The following CATSPERG variants were observed in gnomAD, a reference collection of about 807,000 sequenced individuals.
CATSPERG encodes the protein catsper channel auxiliary subunit gamma.
A neutral mutation model predicts 145.0 loss-of-function variants in CATSPERG; 115 were observed. The ratio of observed to expected loss-of-function variants is 0.79; its 90% CI spans 0.68 to 0.93. The LOEUF (loss-of-function observed/expected upper bound fraction) is 0.93, where lower values mean the gene tolerates loss of function less well. Ranked by LOEUF, CATSPERG falls within the 40% of genes least tolerant of loss-of-function variation. The probability of loss-of-function intolerance (pLI) is 0.00; values close to 1 mark genes in which losing one functional copy is unlikely to be tolerated. For missense variants in CATSPERG, 1,296 were observed against 1,490.1 expected, an observed-to-expected ratio of 0.87 and a Z score of 2.14; for synonymous variants, 588 against 589.0, an observed-to-expected ratio of 1.00 and a Z score of 0.02.
In CATSPERG at chr19:38,364,956, T is replaced by G. The variant is rs776569835; in HGVS notation, c.2541T>G (p.Thr847=). 6.2e-7 allele frequency: 1 copy of G among 1,613,820 alleles called. No individual in the cohort carries two copies. The highest frequency in any genetic ancestry group is 2.2e-5 in the East Asian group (1 of 44,894). ...TTAGTGGACATCACCTTATGGAGACTTCCATGACGGTCAATGTGAGGTCCA... is the reference window on the plus strand; with the variant it reads ...TTAGTGGACATCACCTTATGGAGACGTCCATGACGGTCAATGTGAGGTCCA... ...QGISGHHLME[T]SMTVNVVGSS... Residue 847 remains threonine (T), a synonymous_variant, in exon 21 of 29, where the codon ACT becomes ACG. Coordinates refer to ENST00000409235, the MANE Select transcript of CATSPERG (RefSeq NM_021185.5).
At chr19:38,344,476 G>A (rs1284785187) in intron 6 of CATSPERG, 108 bp downstream of exon 6, 2 of 913,926 alleles carry the variant, frequency 2.2e-6, no homozygotes, top group Non-Finnish European at 3.5e-6. Context: ...CCAACTTCAT[G>A]CCAGGCCCCA....
At chr19:38,354,402 C>G (rs1185991560) in intron 8 of CATSPERG, among the ~76,000 whole-genome samples, 5 of 152,204 alleles carry the variant, frequency 3.3e-5, no homozygotes, top group Non-Finnish European at 5.9e-5. Context: ...AAAAGAGCAT[C>G]TTGTTGCGGA....
intron 16 of CATSPERG, 50 bp from the exon 17 acceptor site, chr19:38,361,598 T>G: frequency 1.4e-6 from 2 of 1,470,930 alleles, no homozygotes; most frequent in Non-Finnish European, 1.9e-6. Context: ...AAGCTTCCAG[T>G]GCGCGGGGTG....
intron 3 of CATSPERG, among the ~76,000 whole-genome samples, chr19:38,339,534 G>A (rs75564688): frequency 4.2e-4 from 64 of 152,146 alleles, no homozygotes; most frequent in East Asian, 3.7e-3. Context: ...GCGCAATCTC[G>A]GCACACTGCA....
chr19:38,358,593 C>T (rs1022451712), intron 13 of CATSPERG, 32 bp downstream of exon 13: 3 of 1,613,392 alleles, frequency 1.9e-6, no homozygotes, highest in Non-Finnish European at 2.5e-6. Context: ...GTGGGCCAGG[C>T]ATACTCTGTC....
intron 26 of CATSPERG, among the ~76,000 whole-genome samples, chr19:38,368,837 A>T (rs959473959): frequency 2.5e-4 from 38 of 151,978 alleles, no homozygotes; most frequent in African/African-American, 8.9e-4. Flanking sequence ...TAATTTTTGT[A>T]TTTTTAGTAG....
intron 8 of CATSPERG, among the ~76,000 whole-genome samples, chr19:38,354,303 C>T (rs551039637): frequency 2.3e-4 from 35 of 152,220 alleles, no homozygotes; most frequent in African/African-American, 8.4e-4. Flanking sequence ...GTCACTGTCA[C>T]GGTTAGACAG....
At chr19:38,360,145 CAA>C (rs1314831958) in intron 14 of CATSPERG, 1 of 985,144 alleles carries the variant, frequency 1.0e-6, no homozygotes, top group African/African-American at 1.7e-5. Context: ...CTGGAAGCTG[CAA>C]AGAGTGAGAA....
intron 3 of CATSPERG, among the ~76,000 whole-genome samples, chr19:38,341,730 C>G (rs2145063639): frequency 6.6e-6 from 1 of 152,106 alleles, no homozygotes; most frequent in Non-Finnish European, 1.5e-5. Context: ...GGTGAAACCC[C>G]ATCTCTACTA....
chr19:38,352,497 T>G, intron 8 of CATSPERG, 65 bp downstream of exon 8: 1 of 1,454,496 alleles, frequency 6.9e-7, no homozygotes, highest in Non-Finnish European at 9.3e-7. Flanking sequence ...CCACTGAAGG[T>G]GGCTGGGGGC....
chr19:38,344,136 C>G lies in CATSPERG; in HGVS notation c.596+17C>G, dbSNP rs1458453593. On this transcript the variant is annotated intron_variant, in intron 5 of 28. Transcript: ENST00000409235. ...AGATAAAAGGTACCCTTTCCCAAGACGGGGGCTGGGGTGGACTCCGGGGGA... is the reference window on the plus strand; with the variant it reads ...AGATAAAAGGTACCCTTTCCCAAGAGGGGGGCTGGGGTGGACTCCGGGGGA... The G allele has an allele frequency of 1.3e-6, 2 of 1,551,334 alleles. No homozygotes were observed. The highest frequency in any genetic ancestry group is 2.7e-5 in the African/African-American group (2 of 72,996).
intron 3 of CATSPERG, among the ~76,000 whole-genome samples, chr19:38,342,077 TA>T (rs36074744): frequency 0.96 from 120,311 of 125,048 alleles, 57,892 homozygotes; most frequent in African/African-American, 0.98. Flanking sequence ...GACCTTATCT[TA>T]AAAAAAAAAA....
In CATSPERG at chr19:38,367,592, G is replaced by A; in HGVS notation, c.2834+20G>A. The A allele has an allele frequency of 1.2e-6, 2 of 1,613,768 alleles. No individual in the cohort carries two copies. Among genetic ancestry groups the A allele is most frequent in the Non-Finnish European group, 1.7e-6 (2 of 1,179,654 alleles). On this transcript the variant is annotated intron_variant, in intron 24 of 28. Coordinates refer to ENST00000409235, the MANE Select transcript of CATSPERG (RefSeq NM_021185.5). ...GGGCAGGTAAAGGCGTGGCCAGCTT[G>A]CAGCTAGGGCAGGTGGAGGGAGTGG... is the stretch of plus-strand genomic sequence containing the variant.
chr19:38,338,187 C>T (rs1969876304), intron 3 of CATSPERG, among the ~76,000 whole-genome samples: 1 of 150,872 alleles, frequency 6.6e-6, no homozygotes, highest in East Asian at 2.0e-4. Context: ...AGTCTCGCTC[C>T]GCCCAGGCTG....
Position 38,370,602 on chromosome 19 carries a change from G to T in CATSPERG, c.3290G>T (p.Gly1097Val), listed in dbSNP as rs140943683. 7 of 1,614,150 alleles carry T rather than the reference G, an allele frequency of 4.3e-6. No homozygotes were observed. In the African/African-American group the frequency reaches 8.0e-5, roughly 18 times the overall value. The change falls in exon 29 of 29, where the codon GGC becomes GTC. Residue 1097 changes from glycine to valine, a missense_variant. Transcript: ENST00000409235. ...CTCCTGTGGCCCCTCGTGGTGAAGG[G>T]CTGCACGATGATCCGGTGGAAGATA... ...FCLLWPLVVKGCTMIRWKINN... is the reference protein window; with the variant it reads ...FCLLWPLVVKVCTMIRWKINN...
chr19:38,358,617 T>A, intron 13 of CATSPERG, 56 bp downstream of exon 13: 2 of 1,605,314 alleles, frequency 1.2e-6, no homozygotes, highest in Non-Finnish European at 1.7e-6. Context: ...CCAGCAACTT[T>A]ACGGTGGGGA....
intron 8 of CATSPERG, among the ~76,000 whole-genome samples, chr19:38,353,769 G>A (rs558501978): frequency 1.4e-5 from 2 of 145,196 alleles, no homozygotes; most frequent in South Asian, 2.2e-4. Context: ...TTGGGAGGGC[G>A]GATCACGAGG....
chr19:38,350,525 G>A (rs1310382055), intron 7 of CATSPERG, among the ~76,000 whole-genome samples: 4 of 152,202 alleles, frequency 2.6e-5, no homozygotes, highest in African/African-American at 9.6e-5. Context: ...TTACAGGCAC[G>A]TGTCACCACG....
intron 3 of CATSPERG, 100 bp from the exon 4 acceptor site, chr19:38,343,480 C>G (rs1181454076): frequency 1.3e-5 from 14 of 1,105,074 alleles, no homozygotes; most frequent in Non-Finnish European, 1.8e-5. Context: ...GTGTGCTGCC[C>G]CCGGACAGCC....
Sources: allele counts gnomAD v4.1 joint callset (sites outside exome capture counted in the v4.1 genomes callset), GRCh38; gene constraint gnomAD v4.1.1; transcripts MANE v1.5; gene names NCBI Gene and HGNC (gene_info 2026-07-23, HGNC 2026-07-21).